The following GNB1 variants were observed in gnomAD, a reference collection of about 807,000 sequenced individuals.
The protein encoded by GNB1 is G protein subunit beta 1.
Under a neutral mutation model 42.9 loss-of-function variants are expected in GNB1, and 2 were observed. The observed-to-expected ratio is 0.05, with a 90% CI of 0.02 to 0.15. GNB1 has a LOEUF of 0.15. Ranked by LOEUF, GNB1 falls within the 10% of genes least tolerant of loss-of-function variation. The pLI is 1.00. For missense variants in GNB1, 193 were observed against 462.2 expected (o/e 0.42, Z 5.34); for synonymous variants, 183 against 174.7 (o/e 1.05, Z -0.38).
intron 2 of GNB1, among the ~76,000 whole-genome samples, chr1:1,826,221 A>T (rs1251502789): frequency 6.6e-6 from 1 of 152,120 alleles, no homozygotes; most frequent in East Asian, 1.9e-4. Flanking sequence ...GTTCAAGACC[A>T]GCCTGGCTAA....
intron 1 of GNB1, among the ~76,000 whole-genome samples, chr1:1,884,971 C>G (rs911593556): frequency 6.6e-6 from 1 of 151,888 alleles, no homozygotes; most frequent in Non-Finnish European, 1.5e-5. Flanking sequence ...GCATGAGCCA[C>G]CGTGCCCGGC....
chr1:1,854,143 T>C (rs1415615878), intron 1 of GNB1, among the ~76,000 whole-genome samples: 1 of 152,300 alleles, frequency 6.6e-6, no homozygotes, highest in African/African-American at 2.4e-5. Context: ...TTTATTTTGA[T>C]ACATCAACTG....
intron 2 of GNB1, among the ~76,000 whole-genome samples, chr1:1,837,496 C>T (rs1647168660): frequency 6.8e-6 from 1 of 147,666 alleles, no homozygotes; most frequent in Non-Finnish European, 1.5e-5. Context: ...CCTCGTGATC[C>T]ACCCTCCTTG....
chr1:1,838,072 G>A (rs1273828473), intron 2 of GNB1, among the ~76,000 whole-genome samples: 3 of 152,030 alleles, frequency 2.0e-5, no homozygotes, highest in East Asian at 2.0e-4. Context: ...GTGTGGTGGT[G>A]AGCGCCTGTA....
chr1:1,808,621 C>T (rs758061995), intron 5 of GNB1, among the ~76,000 whole-genome samples: 1 of 149,484 alleles, frequency 6.7e-6, no homozygotes, highest in Non-Finnish European at 1.5e-5. Flanking sequence ...CTATCAAACG[C>T]AAGGTTTTTT....
chr1:1,875,196 G>T (rs574555147), intron 1 of GNB1, among the ~76,000 whole-genome samples: 27 of 147,168 alleles, frequency 1.8e-4, no homozygotes, highest in Non-Finnish European at 3.5e-4. Flanking sequence ...TCTTTTTCTG[G>T]TTTTTTTTTT....
At chr1:1,791,827 C>G (rs1646484946) in intron 8 of GNB1, among the ~76,000 whole-genome samples, 1 of 152,232 alleles carries the variant, frequency 6.6e-6, no homozygotes, top group South Asian at 2.1e-4. Flanking sequence ...TGAACAGAAG[C>G]ACTTTAAAAA....
At chr1:1,882,202 A>C (rs1024252011) in intron 1 of GNB1, among the ~76,000 whole-genome samples, 2 of 152,106 alleles carry the variant, frequency 1.3e-5, no homozygotes, top group Non-Finnish European at 2.9e-5. Context: ...TAATCCTAAC[A>C]CTTTGGGAGG....
At position 1,790,228 on chromosome 1, in the gene GNB1, A is replaced by G. The variant is rs145444946; in HGVS notation, c.699+167T>C. ...TGAGTATCTGTGAGACAAGTGGTCA[A>G]CACAGAGAAGTTTCCCATCGGGAGT... is the stretch of plus-strand genomic sequence containing the variant. On this transcript the variant is annotated intron_variant, in intron 9 of 11. Coordinates refer to ENST00000378609, the MANE Select transcript of GNB1 (RefSeq NM_002074.5). The surrounding 1 kb of genome is among the most constrained non-coding windows in gnomAD (Gnocchi z 5.4). Among the ~76,000 whole-genome samples, 10 of 152,366 alleles carry G rather than the reference A, an allele frequency of 6.6e-5. No homozygotes were observed. Among genetic ancestry groups the G allele is most frequent in the African/African-American group, 2.2e-4 (9 of 41,580 alleles).
At position 1,804,305 on chromosome 1, in the gene GNB1, A is replaced by T. The variant is rs558358366; in HGVS notation, c.430+114T>A. The stretch of plus-strand genomic sequence containing the variant: ...CAGAGCGAGACTCCGCCTCAAAAAA[A>T]ATAATTAATTAATTAATTAAAAAAT... On this transcript the variant is annotated intron_variant, in intron 7 of 11. Coordinates refer to ENST00000378609, the MANE Select transcript of GNB1 (RefSeq NM_002074.5). 1.3e-5 allele frequency: 10 copies of T among 760,794 alleles called. No homozygotes were observed. In the South Asian group the frequency reaches 1.7e-4, roughly 13 times the overall value. 47.1% of individuals were successfully genotyped at this position (760,794 alleles called of 1,614,324 possible).
At chr1:1,822,762 T>C (rs948169473) in intron 3 of GNB1, among the ~76,000 whole-genome samples, 34 of 152,136 alleles carry the variant, frequency 2.2e-4, no homozygotes, top group African/African-American at 8.0e-4. Context: ...GGTGCAACAG[T>C]TCCTTTTGGC....
intron 2 of GNB1, among the ~76,000 whole-genome samples, chr1:1,827,544 G>C (rs1647015543): frequency 6.6e-6 from 1 of 152,158 alleles, no homozygotes; most frequent in African/African-American, 2.4e-5. Flanking sequence ...GATAAGACTG[G>C]TTAATTCTTT....
intron 1 of GNB1, among the ~76,000 whole-genome samples, chr1:1,873,374 G>A (rs1649356146): frequency 6.6e-6 from 1 of 152,230 alleles, no homozygotes; most frequent in South Asian, 2.1e-4. Flanking sequence ...GGAGATCAGA[G>A]GCACCCTGGC....
intron 5 of GNB1, among the ~76,000 whole-genome samples, chr1:1,806,802 T>C (rs922653578): frequency 6.6e-6 from 1 of 152,144 alleles, no homozygotes; most frequent in Non-Finnish European, 1.5e-5. Flanking sequence ...GGCGAAACCC[T>C]GTCTCTATTA....
chr1:1,814,797 C>CAAAA (rs66588627), intron 5 of GNB1, among the ~76,000 whole-genome samples: 7 of 77,580 alleles, frequency 9.0e-5, no homozygotes, highest in East Asian at 3.4e-4. Flanking sequence ...GACCCTGTCT[C>CAAAA]AAAAAAAAAA....
chr1:1,858,614 T>C (rs928405943), intron 1 of GNB1, among the ~76,000 whole-genome samples: 24 of 152,072 alleles, frequency 1.6e-4, no homozygotes, highest in African/African-American at 5.8e-4. Context: ...CAGTGATGAG[T>C]CCAGCCCAGA....
intron 7 of GNB1, among the ~76,000 whole-genome samples, chr1:1,802,657 G>C (rs1646640879): frequency 6.6e-6 from 1 of 151,820 alleles, no homozygotes; most frequent in South Asian, 2.1e-4. Context: ...TAATCTACTC[G>C]GGAGGCTGAG....
intron 2 of GNB1, among the ~76,000 whole-genome samples, chr1:1,831,957 G>A (rs1647081787): frequency 6.6e-6 from 1 of 151,118 alleles, no homozygotes; most frequent in Non-Finnish European, 1.5e-5. Context: ...AGCTACTTGG[G>A]AGGCTGAAGT....
Position 1,789,035 on chromosome 1 carries a change from G to A in GNB1, c.916+18C>T, listed in dbSNP as rs376787896. On this transcript the variant is annotated intron_variant, in intron 10 of 11. Coordinates refer to ENST00000378609, the MANE Select transcript of GNB1 (RefSeq NM_002074.5). ...CGTAAATGTCCACAAGACACAGAAA[G>A]GCCCCATGGCCACGTACCTGCCCGG... 9 of 1,568,990 alleles carry A rather than the reference G, an allele frequency of 5.7e-6. No individual in the cohort carries two copies. The highest frequency in any genetic ancestry group is 7.0e-6 in the Non-Finnish European group (8 of 1,138,984).
Sources: allele counts gnomAD v4.1 joint callset (sites outside exome capture counted in the v4.1 genomes callset), GRCh38; gene constraint gnomAD v4.1.1; non-coding constraint Gnocchi (gnomAD v3.1); transcripts MANE v1.5; gene names NCBI Gene and HGNC (gene_info 2026-07-23, HGNC 2026-07-21).